DCC: variants seen among roughly 807,000 people sequenced by gnomAD.
DCC encodes the protein DCC netrin 1 receptor, also known as netrin receptor DCC.
DCC carries 58 observed loss-of-function variants against 172.5 expected under a neutral mutation model. The ratio of observed to expected loss-of-function variants is 0.34; its 90% CI spans 0.27 to 0.42. The LOEUF (loss-of-function observed/expected upper bound fraction) is 0.42. Among genes scored for constraint, DCC ranks in the 10% least tolerant of loss-of-function variants. The pLI is 1.00. For synonymous variants in DCC, 709 were observed against 644.5 expected (o/e 1.10, Z -1.52); for missense variants, 1,740 against 1,791.0 (o/e 0.97, Z 0.51).
chr18:52,415,118 A>G (rs933115200), intron 1 of DCC, among the ~76,000 whole-genome samples: 26 of 152,218 alleles, frequency 1.7e-4, no homozygotes, highest in African/African-American at 5.8e-4. Context: ...GTACAGATTT[A>G]AAAATGACAT....
intron 5 of DCC, among the ~76,000 whole-genome samples, chr18:52,990,677 C>T (rs2041375163): frequency 6.6e-6 from 1 of 151,380 alleles, no homozygotes; most frequent in Admixed American, 6.6e-5. Flanking sequence ...TACCTAGTTT[C>T]TATCCAATCC....
chr18:52,721,845 T>G (rs2145077190), intron 1 of DCC, among the ~76,000 whole-genome samples: 1 of 152,086 alleles, frequency 6.6e-6, no homozygotes, highest in Admixed American at 6.5e-5. Flanking sequence ...GCCAACATGG[T>G]GAAAACCTAT....
At chr18:52,903,081 C>A (rs1292175349) in intron 2 of DCC, among the ~76,000 whole-genome samples, 1 of 152,110 alleles carries the variant, frequency 6.6e-6, no homozygotes, top group Non-Finnish European at 1.5e-5. Flanking sequence ...CATAGGAAAC[C>A]AATTGTTGAG....
intron 5 of DCC, among the ~76,000 whole-genome samples, chr18:53,053,566 A>G (rs940416451): frequency 6.6e-6 from 1 of 152,194 alleles, no homozygotes; most frequent in Admixed American, 6.6e-5. Flanking sequence ...ATTATGTTTT[A>G]GTGTACTTCT....
intron 2 of DCC, among the ~76,000 whole-genome samples, chr18:52,833,666 G>A (rs1441683399): frequency 6.6e-6 from 1 of 152,064 alleles, no homozygotes; most frequent in African/African-American, 2.4e-5. Context: ...AATGTTATAT[G>A]TTTCTGTTGG....
At chr18:52,933,212 T>C (rs1279299484) in intron 5 of DCC, among the ~76,000 whole-genome samples, 1 of 152,098 alleles carries the variant, frequency 6.6e-6, no homozygotes, top group East Asian at 1.9e-4. Flanking sequence ...CAACCAACTG[T>C]TGAGTGCCTC....
intron 1 of DCC, among the ~76,000 whole-genome samples, chr18:52,590,771 T>C (rs1281087508): frequency 1.3e-5 from 2 of 152,246 alleles, no homozygotes; most frequent in Non-Finnish European, 2.9e-5. Flanking sequence ...ACTTGATAAA[T>C]ACTTGTGCTT....
chr18:53,359,816 T>A (rs181262080), intron 15 of DCC, among the ~76,000 whole-genome samples: 2 of 152,262 alleles, frequency 1.3e-5, no homozygotes, highest in African/African-American at 4.8e-5. Flanking sequence ...CAGAGCCTAA[T>A]TTCTGATGCT....
At chr18:52,996,579 ATGT>A (rs1384899127) in intron 5 of DCC, among the ~76,000 whole-genome samples, 1 of 151,994 alleles carries the variant, frequency 6.6e-6, no homozygotes, top group East Asian at 1.9e-4. Flanking sequence ...CAGTACTTTT[ATGT>A]TGTTTTGTGT....
At chr18:52,915,057 A>T (rs1018665883) in intron 3 of DCC, among the ~76,000 whole-genome samples, 2 of 152,156 alleles carry the variant, frequency 1.3e-5, no homozygotes, top group Non-Finnish European at 2.9e-5. Context: ...GGTTATTTTG[A>T]GGAAGACAGT....
At chr18:52,496,925 T>C (rs1820384255) in intron 1 of DCC, among the ~76,000 whole-genome samples, 1 of 151,736 alleles carries the variant, frequency 6.6e-6, no homozygotes, top group Admixed American at 6.6e-5. Context: ...GAATAGAATA[T>C]AATCAAGGAG....
chr18:52,962,093 C>A (rs1485294658), intron 5 of DCC, among the ~76,000 whole-genome samples: 42 of 150,304 alleles, frequency 2.8e-4, no homozygotes, highest in South Asian at 4.2e-4. Flanking sequence ...GCAACAAAAG[C>A]CAAAATTGAC....
At chr18:53,102,242 A>G (rs2043183792) in intron 7 of DCC, among the ~76,000 whole-genome samples, 1 of 152,134 alleles carries the variant, frequency 6.6e-6, no homozygotes, top group Admixed American at 6.6e-5. Context: ...TCATAGTGCT[A>G]CTATTTCGTG....
chr18:53,387,636 C>A (rs1455522476), intron 16 of DCC, among the ~76,000 whole-genome samples: 1 of 152,184 alleles, frequency 6.6e-6, no homozygotes, highest in Non-Finnish European at 1.5e-5. Context: ...GGGATTTTAA[C>A]TTTATTCCCT....
chr18:52,909,085 A>C (rs990763766), intron 3 of DCC, among the ~76,000 whole-genome samples: 1 of 149,778 alleles, frequency 6.7e-6, no homozygotes, highest in African/African-American at 2.5e-5. Flanking sequence ...GAGTGAGTGC[A>C]TGAATGAATG....
At chr18:53,351,462 G>GTATA (rs2057810309) in intron 15 of DCC, among the ~76,000 whole-genome samples, 1 of 16,572 alleles carries the variant, frequency 6.0e-5, no homozygotes, top group African/African-American at 2.3e-4. Context: ...TATATACACA[G>GTATA]TGTGTATATA....
intron 27 of DCC, among the ~76,000 whole-genome samples, chr18:53,505,473 A>C (rs1478861036): frequency 6.6e-6 from 1 of 152,232 alleles, no homozygotes. Flanking sequence ...TCAGAATTGC[A>C]AAAACTTCTT....
intron 5 of DCC, among the ~76,000 whole-genome samples, chr18:53,012,677 A>G (rs956562385): frequency 6.6e-6 from 1 of 152,110 alleles, no homozygotes; most frequent in African/African-American, 2.4e-5. Context: ...AATGTAAATT[A>G]TGTCAATAAA....
chr18:53,096,785 A>G (rs1171233390), intron 7 of DCC, among the ~76,000 whole-genome samples: 2 of 152,148 alleles, frequency 1.3e-5, no homozygotes, highest in Non-Finnish European at 2.9e-5. Context: ...ATCAGCTTGC[A>G]GTTTGTGATA....
Sources: allele counts gnomAD v4.1 joint callset (sites outside exome capture counted in the v4.1 genomes callset), GRCh38; gene constraint gnomAD v4.1.1; transcripts MANE v1.5; gene names NCBI Gene and HGNC (gene_info 2026-07-23, HGNC 2026-07-21).